POU6F1: variants seen among roughly 807,000 people sequenced by gnomAD.
POU6F1 encodes the protein POU domain, class 6, transcription factor 1.
Under a neutral mutation model 28.9 loss-of-function variants are expected in POU6F1, and 9 were observed. The ratio of observed to expected loss-of-function variants is 0.31; its 90% CI spans 0.19 to 0.54. The LOEUF is 0.54. Among genes scored for constraint, POU6F1 ranks in the 20% least tolerant of loss-of-function variants. POU6F1 has a pLI of 0.94. For synonymous variants in POU6F1, 173 were observed against 171.1 expected (o/e 1.01, Z -0.09); for missense variants, 338 against 426.1 (o/e 0.79, Z 1.82).
intron 6 of POU6F1, 154 bp from the exon 7 acceptor site, chr12:51,197,081 CCGG>C: frequency 3.9e-6 from 2 of 513,974 alleles, no homozygotes; most frequent in Non-Finnish European, 6.9e-6. Context: ...TAGGGGTCTA[CCGG>C]CTGGATGGTT....
At position 51,199,928 on chromosome 12, in the gene POU6F1, C is replaced by CA; in HGVS notation, c.245-61dup. ...GTGAGCCTGACGTGAGTGGAGGGGTCACCACAGCAGTACATGACATCCCAT... is the reference window on the plus strand; with the variant it reads ...GTGAGCCTGACGTGAGTGGAGGGGTCAACCACAGCAGTACATGACATCCCAT... On this transcript the variant is annotated intron_variant, in intron 3 of 10. Coordinates refer to ENST00000333640, the MANE Select transcript of POU6F1 (RefSeq NM_001330422.2). The surrounding 1 kb of genome is among the most constrained non-coding windows in gnomAD (Gnocchi z 4.1). The CA allele has an allele frequency of 1.5e-5, 6 of 399,344 alleles. No individual in the cohort carries two copies. The highest frequency in any genetic ancestry group is 2.7e-5 in the Non-Finnish European group (6 of 226,208). The allele number at this position is 399,344 out of a possible 1,614,324, so 24.7% of individuals were successfully genotyped here.
At chr12:51,195,250 T>C (rs1479877270) in intron 8 of POU6F1, among the ~76,000 whole-genome samples, 4 of 152,172 alleles carry the variant, frequency 2.6e-5, no homozygotes, top group Non-Finnish European at 5.9e-5. Context: ...TCCTCCGCCT[T>C]AGCCTCCTGA....
rs368588801 is a variant in POU6F1 at position 51,217,185 on chromosome 12, C to T, written c.-48+457G>A. Among the ~76,000 whole-genome samples, 3 of 152,310 alleles carry T rather than the reference C, an allele frequency of 2.0e-5. No homozygotes were observed. The highest frequency in any genetic ancestry group is 4.1e-4 in the South Asian group (2 of 4,822). On this transcript the variant is annotated intron_variant, in intron 1 of 10. Transcript: ENST00000333640. The surrounding 1 kb of genome is among the most constrained non-coding windows in gnomAD (Gnocchi z 5.3). ...GTCACCCTGGCCGCCCCAGCTGGCC[C>T]TAACCGCCGGGAACCCAGGCGTCCG...
chr12:51,209,014 GACA>G (rs530281825), intron 1 of POU6F1, among the ~76,000 whole-genome samples: 37 of 152,308 alleles, frequency 2.4e-4, no homozygotes, highest in African/African-American at 8.7e-4. Flanking sequence ...GTCCTCACCA[GACA>G]ACACCACCTT....
At chr12:51,212,294 A>G (rs1944050231) in intron 1 of POU6F1, among the ~76,000 whole-genome samples, 1 of 151,436 alleles carries the variant, frequency 6.6e-6, no homozygotes, top group Non-Finnish European at 1.5e-5. Flanking sequence ...GGGTTTCACC[A>G]TGTTGGCCAG....
Position 51,199,887 on chromosome 12 carries a change from G to A in POU6F1, c.245-19C>T, listed in dbSNP as rs1024223404. 1 of 399,432 alleles carries A rather than the reference G, an allele frequency of 2.5e-6. No homozygotes were observed. The highest frequency in any genetic ancestry group is 1.3e-4 in the South Asian group (1 of 7,864). The allele number at this position is 399,432 out of a possible 1,614,324, so 24.7% of individuals were successfully genotyped here. On this transcript the variant is annotated intron_variant, in intron 3 of 10. Coordinates refer to ENST00000333640, the MANE Select transcript of POU6F1 (RefSeq NM_001330422.2). This position sits in a 1 kb window ranked among gnomAD's most constrained non-coding sequence, Gnocchi z 4.1. ...GACTTCACTTCACAAGGCATTGAGA[G>A]AAAGAAGGACAAGGAGTGAGCCTGA...
At position 51,196,068 on chromosome 12, in the gene POU6F1, C is replaced by T. The variant is rs147582637; in HGVS notation, c.1081G>A (p.Ala361Thr). The T allele has an allele frequency of 5.9e-5, 95 of 1,607,328 alleles. 3 individuals are homozygous for T. The East Asian group carries it at 1.4e-3, about 23-fold the overall frequency. Residue 361 changes from alanine (A) to threonine (T), a missense_variant, in exon 8 of 11, where the codon GCC (alanine) becomes ACC (threonine). Transcript: ENST00000333640. ...QAVTPQLLLNAQGQVIATLAS... is the reference protein window; with the variant it reads ...QAVTPQLLLNTQGQVIATLAS... ...AGGGTCGCAATCACCTGGCCCTGGG[C>T]GTTCAACAACAGCTGGGGGGTCACG... is the stretch of plus-strand genomic sequence containing the variant.
chr12:51,192,655 A>C (rs1246708416), intron 8 of POU6F1, among the ~76,000 whole-genome samples, 184 bp from the exon 9 acceptor site: 6 of 152,218 alleles, frequency 3.9e-5, no homozygotes, highest in Admixed American at 3.9e-4. Context: ...CTGTAATCCC[A>C]ACACTTTGGG....
rs563382328 is a variant in POU6F1, at chr12:51,192,305, C to T, written c.1321+25G>A. The T allele has an allele frequency of 1.3e-5, 21 of 1,612,120 alleles. No individual in the cohort carries two copies. In the East Asian group the frequency reaches 4.0e-4, roughly 31 times the overall value. ...ACATAAATGCCTCCCCACTTCTCCA[C>T]ACTACTTCTCCAGGAGCCACTTACT... On this transcript the variant is annotated intron_variant, in intron 9 of 10. Coordinates refer to ENST00000333640, the MANE Select transcript of POU6F1 (RefSeq NM_001330422.2).
rs150857749 is a variant in POU6F1 at position 51,195,156 on chromosome 12, C to T, written c.1179+814G>A. Among the ~76,000 whole-genome samples, 185 of 152,276 alleles carry T rather than the reference C, an allele frequency of 1.2e-3. 1 individual carries two copies. The highest frequency in any genetic ancestry group is 3.9e-3 in the African/African-American group (164 of 41,550). ...TTTTATTTTTAGAGATGGGGTCTTG[C>T]TATGTCGTCCAGGCTGGAGTGCAGT... is the stretch of plus-strand genomic sequence containing the variant. On this transcript the variant is annotated intron_variant, in intron 8 of 10. Coordinates refer to ENST00000333640, the MANE Select transcript of POU6F1 (RefSeq NM_001330422.2).
intron 1 of POU6F1, among the ~76,000 whole-genome samples, chr12:51,213,053 C>T (rs182613361): frequency 1.2e-4 from 19 of 152,096 alleles, no homozygotes; most frequent in Non-Finnish European, 1.5e-5. Context: ...TCTTCTGCCT[C>T]GGCCTCCTGA....
Position 51,217,384 on chromosome 12 carries a change from G to GC in POU6F1, c.-48+257dup, listed in dbSNP as rs1039509219. On this transcript the variant is annotated intron_variant, in intron 1 of 10. Transcript: ENST00000333640. The surrounding 1 kb of genome is among the most constrained non-coding windows in gnomAD (Gnocchi z 5.3). ...CCCCCTCCGCTCCAGGTCCAGAGCG[G>GC]CCCGCGGGCGGGCGAGGGCGCGGCC... Among the ~76,000 whole-genome samples the GC allele has an allele frequency of 3.3e-5, 5 of 151,938 alleles. No individual in the cohort carries two copies. The highest frequency in any genetic ancestry group is 3.3e-4 in the Admixed American group (5 of 15,270).
At chr12:51,213,962 G>A (rs1324085520) in intron 1 of POU6F1, among the ~76,000 whole-genome samples, 1 of 151,686 alleles carries the variant, frequency 6.6e-6, no homozygotes, top group South Asian at 2.1e-4. Context: ...GGCCAACATG[G>A]GGAAACCCCA....
chr12:51,197,833 C>T lies in POU6F1; in HGVS notation c.783G>A (p.Lys261=). ...TAATAAAPTP[K]PVDTPPQITV... ...TGATCTGTGGGGGGGTGTCCACTGG[C>T]TTGGGGGTAGGGGCAGCAGCGGTGG... is the stretch of plus-strand genomic sequence containing the variant. Residue 261 remains lysine (K), a synonymous_variant, in exon 6 of 11, where the codon AAG becomes AAA. Transcript: ENST00000333640. The T allele has an allele frequency of 2.5e-6, 1 of 401,186 alleles. No homozygotes were observed. Among genetic ancestry groups the T allele is most frequent in the Non-Finnish European group, 4.4e-6 (1 of 227,906 alleles). The allele number at this position is 401,186 out of a possible 1,614,324, so 24.9% of individuals were successfully genotyped here. A position where few individuals can be genotyped will look rare whatever the true frequency, so the allele number is the denominator to read the frequency against.
intron 9 of POU6F1, 70 bp from the exon 10 acceptor site, chr12:51,191,834 G>GT: frequency 1.3e-6 from 2 of 1,575,078 alleles, no homozygotes; most frequent in Middle Eastern, 3.5e-4. Context: ...TGGCTCATTG[G>GT]TCTGAACTGA....
At chr12:51,207,917 G>A (rs1189990790) in intron 1 of POU6F1, among the ~76,000 whole-genome samples, 2 of 152,126 alleles carry the variant, frequency 1.3e-5, no homozygotes, top group Non-Finnish European at 2.9e-5. Flanking sequence ...AGTGAGGAGT[G>A]GGTGAAGCCC....
At chr12:51,213,817 C>A (rs1448104791) in intron 1 of POU6F1, among the ~76,000 whole-genome samples, 1 of 151,548 alleles carries the variant, frequency 6.6e-6, no homozygotes, top group Non-Finnish European at 1.5e-5. Flanking sequence ...CAGGCGTGAG[C>A]CACCACATCC....
intron 8 of POU6F1, among the ~76,000 whole-genome samples, chr12:51,195,335 G>A (rs1026911090): frequency 2.6e-5 from 4 of 152,086 alleles, no homozygotes; most frequent in Non-Finnish European, 5.9e-5. Context: ...CCTTATCTAT[G>A]AAGTCTTGCC....
At position 51,189,475 on chromosome 12, in the gene POU6F1, C is replaced by A. The variant is rs1279687966; in HGVS notation, c.*772G>T. The A allele has an allele frequency of 2.0e-5, 3 of 152,130 alleles. No homozygotes were observed. Among genetic ancestry groups the A allele is most frequent in the East Asian group, 3.8e-4 (2 of 5,204 alleles). 9.4% of individuals were successfully genotyped at this position (152,130 alleles called of 1,614,324 possible). A position where few individuals can be genotyped will look rare whatever the true frequency, so the allele number is the denominator to read the frequency against. ...AAAGAACAGCCTTATTTTCTAAATT[C>A]CCAACCTTCTGCAGACCCAGGAGAA... On this transcript the variant is annotated 3_prime_UTR_variant, in exon 11 of 11. Coordinates refer to ENST00000333640, the MANE Select transcript of POU6F1 (RefSeq NM_001330422.2).
Sources: allele counts gnomAD v4.1 joint callset (sites outside exome capture counted in the v4.1 genomes callset), GRCh38; gene constraint gnomAD v4.1.1; non-coding constraint Gnocchi (gnomAD v3.1); transcripts MANE v1.5; gene names NCBI Gene and HGNC (gene_info 2026-07-23, HGNC 2026-07-21).